AGO4: variants seen among roughly 807,000 people sequenced by gnomAD.
AGO4 encodes the protein protein argonaute-4.
AGO4 carries 33 observed loss-of-function variants against 104.7 expected under a neutral mutation model. The ratio of observed to expected loss-of-function variants is 0.32; its 90% CI spans 0.24 to 0.42. The LOEUF is 0.42. Ranked by LOEUF, AGO4 falls within the 10% of genes least tolerant of loss-of-function variation. AGO4 has a pLI of 1.00. For missense variants in AGO4, 711 were observed against 1,083.4 expected (o/e 0.66, Z 4.83); for synonymous variants, 331 against 364.7 (o/e 0.91, Z 1.05).
At position 35,808,361 on chromosome 1, in the gene AGO4, CG is replaced by C; in HGVS notation, c.-52del. 2 of 974,362 alleles carry C rather than the reference CG, an allele frequency of 2.1e-6. No individual in the cohort carries two copies. The highest frequency in any genetic ancestry group is 2.5e-6 in the Non-Finnish European group (2 of 813,636). The allele number at this position is 974,362 out of a possible 1,614,324, so 60.4% of individuals were successfully genotyped here. A position where few individuals can be genotyped will look rare whatever the true frequency, so the allele number is the denominator to read the frequency against. On this transcript the variant is annotated 5_prime_UTR_variant, in exon 1 of 18. Coordinates refer to ENST00000373210, the MANE Select transcript of AGO4 (RefSeq NM_017629.4). The surrounding 1 kb of genome is among the most constrained non-coding windows in gnomAD (Gnocchi z 5.2). ...TACGCGGCGGCGGCGGCGGCGGCGG[CG>C]GGGCCCGGAGCGGGAGGCGCCGGGG...
intron 7 of AGO4, 79 bp from the exon 8 acceptor site, chr1:35,831,348 C>G (rs1183779019): frequency 2.0e-6 from 3 of 1,474,726 alleles, no homozygotes; most frequent in African/African-American, 2.9e-5. Context: ...GAGACACTGT[C>G]TCAAAAAAAA....
intron 13 of AGO4, among the ~76,000 whole-genome samples, chr1:35,837,930 T>C (rs1644352747): frequency 6.6e-6 from 1 of 152,128 alleles, no homozygotes; most frequent in South Asian, 2.1e-4. Context: ...TCACCCAGGC[T>C]GGAGTGCAGT....
At chr1:35,829,761 A>C (rs1471295411) in intron 7 of AGO4, among the ~76,000 whole-genome samples, 1 of 148,910 alleles carries the variant, frequency 6.7e-6, no homozygotes, top group East Asian at 2.0e-4. Context: ...AGGCAGGAGA[A>C]TCACTTGAAC....
chr1:35,820,226 T>A (rs979151014), intron 2 of AGO4, among the ~76,000 whole-genome samples: 1 of 152,060 alleles, frequency 6.6e-6, no homozygotes, highest in African/African-American at 2.4e-5. Context: ...AAAGCCTTAC[T>A]TGAGAAAGTT....
chr1:35,838,158 T>C (rs889498707), intron 13 of AGO4, among the ~76,000 whole-genome samples: 6 of 152,134 alleles, frequency 3.9e-5, no homozygotes, highest in Non-Finnish European at 5.9e-5. Context: ...GTTCAAGCGA[T>C]TCTCCTGCCT....
intron 2 of AGO4, among the ~76,000 whole-genome samples, chr1:35,818,080 A>G (rs1313779202): frequency 6.6e-6 from 1 of 152,216 alleles, no homozygotes; most frequent in East Asian, 1.9e-4. Context: ...TAAATGCAAT[A>G]AAGAAAAAGA....
intron 13 of AGO4, among the ~76,000 whole-genome samples, chr1:35,840,341 T>C (rs1328406439): frequency 6.6e-6 from 1 of 152,132 alleles, no homozygotes; most frequent in Admixed American, 6.5e-5. Context: ...TTGTATTTTT[T>C]AGTAGAGACA....
intron 13 of AGO4, among the ~76,000 whole-genome samples, chr1:35,836,570 C>T (rs576319818): frequency 2.2e-4 from 34 of 152,300 alleles, no homozygotes; most frequent in Non-Finnish European, 4.4e-4. Flanking sequence ...CCACCACACC[C>T]GGCTAATTTT....
At chr1:35,836,634 C>G (rs1375290313) in intron 13 of AGO4, among the ~76,000 whole-genome samples, 2 of 152,232 alleles carry the variant, frequency 1.3e-5, no homozygotes, top group Non-Finnish European at 2.9e-5. Flanking sequence ...TGGTCTCAAT[C>G]TCCTGACCTT....
rs890654878 is a variant in AGO4, at chr1:35,819,658, G to A, written c.185+2611G>A. Among the ~76,000 whole-genome samples the A allele has an allele frequency of 9.9e-5, 15 of 151,442 alleles. No homozygotes were observed. In the East Asian group the frequency reaches 1.2e-3, roughly 12 times the overall value. ...TGAGGCAGAAGAATCACTTGAACCC[G>A]GGAGACGGAGGTTGCAGTGAGCTGA... On this transcript the variant is annotated intron_variant, in intron 2 of 17. Transcript: ENST00000373210.
At chr1:35,834,232 A>G (rs1342990838) in intron 12 of AGO4, 58 bp downstream of exon 12, 2 of 1,358,238 alleles carry the variant, frequency 1.5e-6, no homozygotes, top group Admixed American at 2.7e-5. Flanking sequence ...TATAACAGTC[A>G]GGATAAGCTA....
Position 35,835,976 on chromosome 1 carries a change from G to T in AGO4, c.1707G>T (p.Val569=). The change falls in exon 13 of 18, where the codon GTG becomes GTT. Residue 569 remains valine, a synonymous_variant. Transcript: ENST00000373210. ...CAAAACTTGGAGGAATTAACAATGTGCTTGTGCCTCATCAAAGGTAAGATT... is the reference window on the plus strand; with the variant it reads ...CAAAACTTGGAGGAATTAACAATGTTCTTGTGCCTCATCAAAGGTAAGATT... ...INAKLGGINN[V]LVPHQRPSVF... is the part of the protein sequence containing the mutation. 6.2e-7 allele frequency: 1 copy of T among 1,612,542 alleles called. No individual in the cohort carries two copies. Among genetic ancestry groups the T allele is most frequent in the Non-Finnish European group, 8.5e-7 (1 of 1,179,630 alleles).
At chr1:35,852,330 T>G (rs780170075) in intron 17 of AGO4, among the ~76,000 whole-genome samples, 21 of 152,200 alleles carry the variant, frequency 1.4e-4, no homozygotes, top group Non-Finnish European at 2.1e-4. Flanking sequence ...TAATAATCAC[T>G]TAAAGAGAAA....
rs563071293 is a variant in AGO4, at chr1:35,853,154, G to A, written c.2478-343G>A. ...TAGTCCCAGCTACTCGGGAGGCTGA[G>A]GCAGGAGAATGGTGTAAACCCGGGA... On this transcript the variant is annotated intron_variant, in intron 17 of 17. Coordinates refer to ENST00000373210, the MANE Select transcript of AGO4 (RefSeq NM_017629.4). 5.9e-5 allele frequency among the ~76,000 whole-genome samples: 9 copies of A among 151,920 alleles called. No individual in the cohort carries two copies. The South Asian group carries it at 8.3e-4, about 14-fold the overall frequency.
chr1:35,820,951 A>G (rs1285197664), intron 2 of AGO4, among the ~76,000 whole-genome samples: 1 of 152,164 alleles, frequency 6.6e-6, no homozygotes. Flanking sequence ...ATAACTTTAC[A>G]TATGAAGAAA....
Position 35,841,593 on chromosome 1 carries a change from A to G in AGO4, c.2041-23A>G, listed in dbSNP as rs1394262200. ...ATACTAGGCAAATTCTCAATTAAACATAATTCCATTTCTGTCTTCTAGGTA... is the reference window on the plus strand; with the variant it reads ...ATACTAGGCAAATTCTCAATTAAACGTAATTCCATTTCTGTCTTCTAGGTA... On this transcript the variant is annotated intron_variant, in intron 14 of 17. Transcript: ENST00000373210. The surrounding 1 kb of genome is among the most constrained non-coding windows in gnomAD (Gnocchi z 4.7). 3 of 1,614,046 alleles carry G rather than the reference A, an allele frequency of 1.9e-6. No homozygotes were observed. Among genetic ancestry groups the G allele is most frequent in the South Asian group, 1.1e-5 (1 of 91,072 alleles).
chr1:35,827,671 C>A (rs1444174946), intron 7 of AGO4, among the ~76,000 whole-genome samples: 1 of 151,966 alleles, frequency 6.6e-6, no homozygotes, highest in Non-Finnish European at 1.5e-5. Flanking sequence ...ATTCAATTTA[C>A]CTCTTAAGTA....
chr1:35,832,301 C>G, intron 10 of AGO4, 116 bp downstream of exon 10: 1 of 1,527,542 alleles, frequency 6.5e-7, no homozygotes, highest in African/African-American at 1.4e-5. Context: ...TCATTATTGC[C>G]TTTTGTGTTC....
At chr1:35,827,094 C>T (rs1002401743) in intron 7 of AGO4, among the ~76,000 whole-genome samples, 1 of 151,378 alleles carries the variant, frequency 6.6e-6, no homozygotes, top group East Asian at 1.9e-4. Context: ...ACCAGGTACT[C>T]GGGAGGCTGA....
Sources: gnomAD v4.1 joint callset for allele counts (sites outside exome capture counted in the v4.1 genomes callset) on GRCh38, gnomAD v4.1.1 for gene constraint, Gnocchi (gnomAD v3.1) non-coding constraint, MANE v1.5 for transcripts, NCBI Gene and HGNC (gene_info 2026-07-23, HGNC 2026-07-21) for gene names.